Variants in FRMD5 observed in about 807,000 individuals in gnomAD.
FRMD5 encodes the protein FERM domain-containing protein 5.
FRMD5 carries 20 observed loss-of-function variants against 69.0 expected under a neutral mutation model. That is an observed-to-expected ratio of 0.29 (90% CI 0.20 to 0.42). The LOEUF is 0.42. FRMD5 is among the 10% of genes least tolerant of loss of function. FRMD5 has a pLI of 1.00. For synonymous variants in FRMD5, 271 were observed against 260.1 expected (o/e 1.04, Z -0.40); for missense variants, 595 against 708.6 (o/e 0.84, Z 1.82).
At chr15:43,882,258 T>C (rs1242334956) in intron 13 of FRMD5, among the ~76,000 whole-genome samples, 1 of 152,126 alleles carries the variant, frequency 6.6e-6, no homozygotes, top group African/African-American at 2.4e-5. Flanking sequence ...TTCTCTCTCT[T>C]CCCACCTCGG....
chr15:44,015,393 T>C (rs1890911129), intron 1 of FRMD5, among the ~76,000 whole-genome samples: 1 of 152,134 alleles, frequency 6.6e-6, no homozygotes, highest in Admixed American at 6.6e-5. Flanking sequence ...TCTTCTGTCT[T>C]GGCCTCCCAA....
chr15:44,152,776 T>C (rs189436946), intron 1 of FRMD5, among the ~76,000 whole-genome samples: 1 of 152,348 alleles, frequency 6.6e-6, no homozygotes, highest in Non-Finnish European at 1.5e-5. Context: ...TGACATATTT[T>C]GTCTGTTAAA....
chr15:43,965,920 G>T (rs1160675740), intron 1 of FRMD5, among the ~76,000 whole-genome samples: 1 of 151,990 alleles, frequency 6.6e-6, no homozygotes, highest in African/African-American at 2.4e-5. Flanking sequence ...CACATATGAG[G>T]GTAGTATTAA....
intron 1 of FRMD5, among the ~76,000 whole-genome samples, chr15:44,059,770 C>T (rs963350872): frequency 3.7e-4 from 56 of 152,160 alleles, no homozygotes; most frequent in African/African-American, 1.4e-3. Context: ...CTGCCTCAGC[C>T]TCCCAAAGTG....
intron 1 of FRMD5, among the ~76,000 whole-genome samples, chr15:44,089,311 T>A: frequency 6.6e-6 from 1 of 152,176 alleles, no homozygotes; most frequent in East Asian, 1.9e-4. Context: ...ATAAAACTAT[T>A]AACGATGGTT....
intron 1 of FRMD5, among the ~76,000 whole-genome samples, chr15:43,934,899 A>C (rs2089734114): frequency 6.6e-6 from 1 of 152,180 alleles, no homozygotes; most frequent in South Asian, 2.1e-4. Context: ...GAGGGTGGGG[A>C]ATAAAGATTT....
intron 7 of FRMD5, among the ~76,000 whole-genome samples, chr15:43,899,049 T>C (rs2088982819): frequency 6.6e-6 from 1 of 152,224 alleles, no homozygotes; most frequent in Non-Finnish European, 1.5e-5. Flanking sequence ...ATTCCTCTTC[T>C]GTCCTCCCTA....
intron 1 of FRMD5, among the ~76,000 whole-genome samples, chr15:44,175,837 T>G (rs952003390): frequency 2.0e-5 from 3 of 152,198 alleles, no homozygotes; most frequent in Non-Finnish European, 4.4e-5. Context: ...AAAAGCATTA[T>G]GCTTACACTG....
chr15:44,036,929 A>G (rs1430121789), intron 1 of FRMD5, among the ~76,000 whole-genome samples: 1 of 152,156 alleles, frequency 6.6e-6, no homozygotes, highest in Non-Finnish European at 1.5e-5. Context: ...GTTAAATCCA[A>G]CAGGTACTTT....
In FRMD5 at chr15:43,874,375, C is replaced by A. The variant is rs1022761468; in HGVS notation, c.1223G>T (p.Ser408Ile). 6.2e-7 allele frequency: 1 copy of A among 1,614,108 alleles called. No individual in the cohort carries two copies. The highest frequency in any genetic ancestry group is 1.3e-5 in the African/African-American group (1 of 74,946). ...TACTCGCTCATTGCTATCTGTCCGG[C>A]TGCTTCTCACGTGAGGCAGGAAGGT... Reference protein sequence around the residue: ...GDTFLPHVRSSRTDSNERVAV... With the variant: ...GDTFLPHVRSIRTDSNERVAV... Residue 408 changes from serine to isoleucine, a missense_variant, in exon 14 of 14, where the codon AGC becomes ATC. Ser to Ile is a moderately radical substitution (Grantham distance 142). Around this residue, in one of 5 missense-constraint regions of FRMD5, gnomAD observed 245 missense variants for 227.1 expected, o/e 1.08. Transcript: ENST00000417257.
chr15:44,149,308 A>C (rs2077407103), intron 1 of FRMD5, among the ~76,000 whole-genome samples: 1 of 152,150 alleles, frequency 6.6e-6, no homozygotes, highest in African/African-American at 2.4e-5. Context: ...TAAATAATTC[A>C]CTACAAAAAG....
chr15:44,166,117 A>G (rs1380981110), intron 1 of FRMD5, among the ~76,000 whole-genome samples: 1 of 152,184 alleles, frequency 6.6e-6, no homozygotes, highest in Non-Finnish European at 1.5e-5. Context: ...AGTTCCTGCT[A>G]ATTTACATAA....
chr15:44,018,229 T>G (rs1018529139), intron 1 of FRMD5, among the ~76,000 whole-genome samples: 1 of 152,198 alleles, frequency 6.6e-6, no homozygotes, highest in African/African-American at 2.4e-5. Context: ...AAAAGCACTT[T>G]TGACGAAAGT....
intron 4 of FRMD5, among the ~76,000 whole-genome samples, chr15:43,916,005 G>GC (rs2089379879): frequency 1.3e-5 from 2 of 152,292 alleles, no homozygotes; most frequent in East Asian, 3.9e-4. Flanking sequence ...CTCACAGAAT[G>GC]CCCCAGGGAG....
intron 4 of FRMD5, among the ~76,000 whole-genome samples, chr15:43,914,723 C>CTTTTTTTTTTTTTTTTTTTCT (rs2089351495): frequency 9.1e-6 from 1 of 109,418 alleles, no homozygotes; most frequent in Admixed American, 9.4e-5. Context: ...AGGTGACTAC[C>CTTTTTTTTTTTTTTTTTTTCT]TTTTTTTTTT....
intron 1 of FRMD5, among the ~76,000 whole-genome samples, chr15:44,154,929 G>T (rs1326416284): frequency 6.6e-6 from 1 of 152,028 alleles, no homozygotes; most frequent in African/African-American, 2.4e-5. Context: ...TAGGACATGT[G>T]AATTATGTCT....
chr15:44,191,046 A>G (rs1241711708), intron 1 of FRMD5, among the ~76,000 whole-genome samples: 1 of 152,180 alleles, frequency 6.6e-6, no homozygotes, highest in Non-Finnish European at 1.5e-5. Flanking sequence ...GCCCCTGCAC[A>G]CACATTCTAT....
rs1027597401 is a variant in FRMD5, at chr15:43,872,167, G to A, written c.*1718C>T. 4 of 152,188 alleles carry A rather than the reference G, an allele frequency of 2.6e-5. No homozygotes were observed. Among genetic ancestry groups the A allele is most frequent in the Non-Finnish European group, 5.9e-5 (4 of 68,034 alleles). The allele number at this position is 152,188 out of a possible 1,614,324, so 9.4% of individuals were successfully genotyped here. The stretch of plus-strand genomic sequence containing the variant: ...ATTTACTGTGTAGCACTTGACATAA[G>A]TTGATTGACCTCTGGTCCAGATGAA... On this transcript the variant is annotated 3_prime_UTR_variant, in exon 14 of 14. Coordinates refer to ENST00000417257, the MANE Select transcript of FRMD5 (RefSeq NM_032892.5).
chr15:44,075,584 C>T (rs1487994579), intron 1 of FRMD5, among the ~76,000 whole-genome samples: 1 of 152,106 alleles, frequency 6.6e-6, no homozygotes, highest in East Asian at 1.9e-4. Flanking sequence ...TTAGACAGTA[C>T]TTTCCTTTTA....
Sources: gnomAD v4.1 joint callset for allele counts (sites outside exome capture counted in the v4.1 genomes callset) on GRCh38, gnomAD v4.1.1 for gene constraint, gnomAD v4.1.1 regional missense constraint, MANE v1.5 for transcripts, NCBI Gene and HGNC (gene_info 2026-07-23, HGNC 2026-07-21) for gene names.